CA10: variants seen among roughly 807,000 people sequenced by gnomAD.
CA10 encodes carbonic anhydrase-related protein 10.
Under a neutral mutation model 44.2 loss-of-function variants are expected in CA10, and 14 were observed. The ratio of observed to expected loss-of-function variants is 0.32; its 90% confidence interval spans 0.21 to 0.50. CA10 has a LOEUF of 0.50. Ranked by LOEUF, CA10 falls within the 20% of genes least tolerant of loss-of-function variation. The pLI is 0.99. For synonymous variants in CA10, 159 were observed against 141.6 expected (o/e 1.12, Z -0.87); for missense variants, 350 against 409.7 (o/e 0.85, Z 1.26).
intron 3 of CA10, among the ~76,000 whole-genome samples, chr17:51,784,161 G>A (rs1906169294): frequency 6.6e-6 from 1 of 152,134 alleles, no homozygotes; most frequent in African/African-American, 2.4e-5. Context: ...GTTACCCAAG[G>A]CCAAGTGCCC....
intron 2 of CA10, among the ~76,000 whole-genome samples, chr17:51,947,802 C>T (rs1460936147): frequency 6.6e-6 from 1 of 152,034 alleles, no homozygotes; most frequent in Non-Finnish European, 1.5e-5. Flanking sequence ...TCTCTCTGAG[C>T]ACTATCAAAC....
At chr17:51,764,074 C>T (rs1484183586) in intron 3 of CA10, among the ~76,000 whole-genome samples, 1 of 150,634 alleles carries the variant, frequency 6.6e-6, no homozygotes, top group Non-Finnish European at 1.5e-5. Flanking sequence ...TAAAATATGC[C>T]ATTGTTTGTA....
chr17:51,991,989 A>T (rs756767061), intron 2 of CA10, among the ~76,000 whole-genome samples: 1 of 151,988 alleles, frequency 6.6e-6, no homozygotes, highest in African/African-American at 2.4e-5. Context: ...TGTTTTTATT[A>T]CAAAACATTT....
chr17:51,809,114 G>A (rs1172536216), intron 3 of CA10, among the ~76,000 whole-genome samples: 1 of 151,306 alleles, frequency 6.6e-6, no homozygotes, highest in Non-Finnish European at 1.5e-5. Context: ...ATACAATGAT[G>A]CAAATAAAAG....
At chr17:51,641,158 CT>C (rs1372119557) in intron 6 of CA10, among the ~76,000 whole-genome samples, 9 of 21,758 alleles carry the variant, frequency 4.1e-4, no homozygotes, top group South Asian at 1.8e-3. Flanking sequence ...TCAGCTCTCT[CT>C]CTCTCTCCTC....
At chr17:51,920,475 A>G (rs1022683944) in intron 3 of CA10, among the ~76,000 whole-genome samples, 9 of 152,270 alleles carry the variant, frequency 5.9e-5, no homozygotes, top group Admixed American at 5.2e-4. Flanking sequence ...AAATAAAGGA[A>G]CATGATGCAG....
At chr17:51,876,005 T>C (rs112006971) in intron 3 of CA10, among the ~76,000 whole-genome samples, 5 of 152,302 alleles carry the variant, frequency 3.3e-5, no homozygotes, top group African/African-American at 9.6e-5. Context: ...TTCTTTTTAT[T>C]GCTGAGTAGT....
intron 2 of CA10, among the ~76,000 whole-genome samples, chr17:52,051,179 G>T (rs565446084): frequency 2.0e-5 from 3 of 151,398 alleles, no homozygotes; most frequent in Non-Finnish European, 4.4e-5. Context: ...AGAAACAAAG[G>T]AACAAAGGCA....
At chr17:51,681,586 A>G (rs1275480744) in intron 4 of CA10, among the ~76,000 whole-genome samples, 1 of 152,130 alleles carries the variant, frequency 6.6e-6, no homozygotes, top group African/African-American at 2.4e-5. Context: ...TGACAACCCT[A>G]ACTGTCTCTA....
At chr17:51,871,365 G>A (rs1979802128) in intron 3 of CA10, among the ~76,000 whole-genome samples, 1 of 149,662 alleles carries the variant, frequency 6.7e-6, no homozygotes, top group Non-Finnish European at 1.5e-5. Flanking sequence ...CCGAATAGCT[G>A]GGATTACAGG....
chr17:52,095,606 G>A (rs551837107), intron 1 of CA10, among the ~76,000 whole-genome samples: 1 of 152,100 alleles, frequency 6.6e-6, no homozygotes, highest in Non-Finnish European at 1.5e-5. Flanking sequence ...AAGGTCCAAG[G>A]AAAACATTTG....
At chr17:51,885,216 A>G (rs1319482588) in intron 3 of CA10, among the ~76,000 whole-genome samples, 1 of 151,908 alleles carries the variant, frequency 6.6e-6, no homozygotes, top group Non-Finnish European at 1.5e-5. Flanking sequence ...TTTTTTTTTC[A>G]CTGCTATACC....
chr17:52,157,793 A>T lies in CA10; in HGVS notation c.-7T>A. On this transcript the variant is annotated 5_prime_UTR_variant, in exon 1 of 9. Coordinates refer to ENST00000451037, the MANE Select transcript of CA10 (RefSeq NM_020178.5). ...CCTCCCAGACTATTTCCATCCTCTG[A>T]TTCTCATTCCAAGTGCATCACTCGA... is the stretch of plus-strand genomic sequence containing the variant. 6.2e-7 allele frequency: 1 copy of T among 1,613,244 alleles called. No individual in the cohort carries two copies. Among genetic ancestry groups the T allele is most frequent in the Non-Finnish European group, 8.5e-7 (1 of 1,179,254 alleles).
chr17:52,124,487 T>C (rs1989077146), intron 1 of CA10, among the ~76,000 whole-genome samples: 1 of 152,212 alleles, frequency 6.6e-6, no homozygotes. Context: ...ACAAAATGAA[T>C]GATATAAGTC....
chr17:51,944,474 G>A (rs1485547978), intron 2 of CA10, among the ~76,000 whole-genome samples: 1 of 152,056 alleles, frequency 6.6e-6, no homozygotes, highest in Non-Finnish European at 1.5e-5. Flanking sequence ...AACCAAAAAT[G>A]ATTTGTGCAC....
At chr17:51,640,710 GC>G (rs888655702) in intron 6 of CA10, among the ~76,000 whole-genome samples, 1 of 152,202 alleles carries the variant, frequency 6.6e-6, no homozygotes, top group Non-Finnish European at 1.5e-5. Flanking sequence ...GAAGTTTTCA[GC>G]CCTAATGTCA....
chr17:51,631,386 GTGTT>G lies in CA10; in HGVS notation c.*194_*197del, dbSNP rs1912565507. The G allele has an allele frequency of 1.5e-6, 1 of 655,836 alleles. No homozygotes were observed. Among genetic ancestry groups the G allele is most frequent in the Admixed American group, 2.5e-5 (1 of 39,370 alleles). The allele number at this position is 655,836 out of a possible 1,614,324, so 40.6% of individuals were successfully genotyped here. On this transcript the variant is annotated 3_prime_UTR_variant, in exon 9 of 9. Coordinates refer to ENST00000451037, the MANE Select transcript of CA10 (RefSeq NM_020178.5). ...TATGTATGTGCAAGTGCTTGTGTGT[GTGTT>G]TGTGAGTATGTGTGAGAGATGTATT...
At chr17:51,874,964 T>TCTTTTC (rs5820884) in intron 3 of CA10, among the ~76,000 whole-genome samples, 8,696 of 73,250 alleles carry the variant, frequency 0.12, 413 homozygotes, top group African/African-American at 0.14. Context: ...TTTTTTCTTT[T>TCTTTTC]TTTTCTTTTC....
At chr17:52,005,372 G>A (rs1424525067) in intron 2 of CA10, among the ~76,000 whole-genome samples, 1 of 151,920 alleles carries the variant, frequency 6.6e-6, no homozygotes, top group East Asian at 1.9e-4. Context: ...TCTAAACAAT[G>A]AATAATGGAT....
Sources: gnomAD v4.1 joint callset for allele counts (sites outside exome capture counted in the v4.1 genomes callset) on GRCh38, gnomAD v4.1.1 for gene constraint, MANE v1.5 for transcripts, NCBI Gene and HGNC (gene_info 2026-07-23, HGNC 2026-07-21) for gene names.